Variants in ACVR1 observed in about 807,000 individuals in gnomAD.
ACVR1 encodes activin A receptor type 1.
In ACVR1, 38 loss-of-function variants were observed where a neutral mutation model predicts 57.1. The observed-to-expected ratio is 0.67, with a 90% CI of 0.51 to 0.87. The LOEUF (loss-of-function observed/expected upper bound fraction) is 0.87. Ranked by LOEUF, ACVR1 falls within the 40% of genes least tolerant of loss-of-function variation. ACVR1 has a pLI of 0.00. For synonymous variants in ACVR1, 212 were observed against 228.1 expected, an observed-to-expected ratio of 0.93 and a Z score of 0.63; for missense variants, 463 against 638.2, an observed-to-expected ratio of 0.73 and a Z score of 2.96.
At chr2:157,824,866 G>A (rs749004864) in intron 1 of ACVR1, among the ~76,000 whole-genome samples, 1 of 151,946 alleles carries the variant, frequency 6.6e-6, no homozygotes, top group Non-Finnish European at 1.5e-5. Context: ...TGACTCTCCT[G>A]CCTCAGCCTC....
At chr2:157,795,508 G>C (rs759506981) in intron 3 of ACVR1, among the ~76,000 whole-genome samples, 31 of 151,162 alleles carry the variant, frequency 2.1e-4, no homozygotes, top group Non-Finnish European at 3.2e-4. Context: ...CTAGGCTATA[G>C]CACTCACTGG....
At position 157,741,045 on chromosome 2, in the gene ACVR1, T is replaced by C. The variant is rs532606607; in HGVS notation, c.1265-2475A>G. 1.2e-4 allele frequency among the ~76,000 whole-genome samples: 18 copies of C among 152,308 alleles called. No homozygotes were observed. In the South Asian group the frequency reaches 3.5e-3, roughly 30 times the overall value. ...AGTTGAAAGTGCATTACTGCTATGG[T>C]AGGATGCCGTATTAAATGCTGAGAG... On this transcript the variant is annotated intron_variant, in intron 9 of 10. Coordinates refer to ENST00000434821, the MANE Select transcript of ACVR1 (RefSeq NM_001111067.4).
At chr2:157,786,258 G>C (rs919973807) in intron 3 of ACVR1, among the ~76,000 whole-genome samples, 4 of 152,174 alleles carry the variant, frequency 2.6e-5, no homozygotes, top group African/African-American at 9.7e-5. Flanking sequence ...TAGATTGTAA[G>C]CACCATGAGG....
At chr2:157,791,304 T>C (rs1400520119) in intron 3 of ACVR1, among the ~76,000 whole-genome samples, 1 of 152,234 alleles carries the variant, frequency 6.6e-6, no homozygotes, top group East Asian at 1.9e-4. Context: ...TTATAACTGA[T>C]TCACTTTTCC....
At chr2:157,753,039 C>G (rs1452639139) in intron 9 of ACVR1, among the ~76,000 whole-genome samples, 7 of 152,106 alleles carry the variant, frequency 4.6e-5, no homozygotes, top group Non-Finnish European at 1.0e-4. Flanking sequence ...AAGAATTCAC[C>G]AAGCAACTAT....
chr2:157,774,506 A>C (rs904905538), intron 5 of ACVR1, among the ~76,000 whole-genome samples: 2 of 152,166 alleles, frequency 1.3e-5, no homozygotes, highest in Admixed American at 1.3e-4. Flanking sequence ...CTGGGGTTAC[A>C]GGCACGCGCC....
intron 1 of ACVR1, among the ~76,000 whole-genome samples, chr2:157,824,076 G>C (rs1229687123): frequency 6.6e-6 from 1 of 152,156 alleles, no homozygotes; most frequent in African/African-American, 2.4e-5. Flanking sequence ...AATATTTAAG[G>C]AGCAGCTATA....
In ACVR1 at chr2:157,738,431, C is replaced by A; in HGVS notation, c.1395+9G>T. 6.2e-7 allele frequency: 1 copy of A among 1,614,010 alleles called. No homozygotes were observed. Among genetic ancestry groups the A allele is most frequent in the Non-Finnish European group, 8.5e-7 (1 of 1,179,900 alleles). ...AAGAGCTCTAAAACTGAGAAACTGG[C>A]ATTCTTACCGGGTCTGAGAACCATC... On this transcript the variant is annotated intron_variant, in intron 10 of 10. Coordinates refer to ENST00000434821, the MANE Select transcript of ACVR1 (RefSeq NM_001111067.4).
chr2:157,758,755 CT>C (rs1435363075), intron 9 of ACVR1, among the ~76,000 whole-genome samples: 1 of 151,910 alleles, frequency 6.6e-6, no homozygotes, highest in Non-Finnish European at 1.5e-5. Context: ...ACACATTATT[CT>C]CATCAGCACA....
At chr2:157,774,451 A>G (rs1479146313) in intron 5 of ACVR1, among the ~76,000 whole-genome samples, 1 of 151,966 alleles carries the variant, frequency 6.6e-6, no homozygotes. Context: ...TGCAACCTCC[A>G]CCTCCCGGGT....
In ACVR1 at chr2:157,812,066, C is replaced by A. The variant is rs534512259; in HGVS notation, c.-8+6319G>T. Among the ~76,000 whole-genome samples the A allele has an allele frequency of 3.9e-5, 6 of 152,234 alleles. No homozygotes were observed. In the East Asian group the frequency reaches 1.2e-3, roughly 29 times the overall value. On this transcript the variant is annotated intron_variant, in intron 2 of 10. Coordinates refer to ENST00000434821, the MANE Select transcript of ACVR1 (RefSeq NM_001111067.4). Reference sequence around the variant, plus strand: ...AAACTGAATTTGAATCACAAAGTATCAGAATGAACTCATGAAGTATTTTAT... The same window carrying A: ...AAACTGAATTTGAATCACAAAGTATAAGAATGAACTCATGAAGTATTTTAT...
chr2:157,807,540 T>C (rs111625540), intron 2 of ACVR1, among the ~76,000 whole-genome samples: 1 of 152,012 alleles, frequency 6.6e-6, no homozygotes, highest in Non-Finnish European at 1.5e-5. Context: ...CCCTATCCCT[T>C]GTTTGCAAAC....
At chr2:157,801,217 C>G (rs2105308203) in intron 2 of ACVR1, among the ~76,000 whole-genome samples, 1 of 152,248 alleles carries the variant, frequency 6.6e-6, no homozygotes, top group South Asian at 2.1e-4. Context: ...CAGTCTAGTA[C>G]AGGAGGTATC....
chr2:157,807,341 G>A lies in ACVR1; in HGVS notation c.-7-7841C>T, dbSNP rs60062257. The stretch of plus-strand genomic sequence containing the variant: ...GAATCCAGTGTTTTGATCACTTGCT[G>A]CGTGCCTTACTCGTACCTCAAAACT... On this transcript the variant is annotated intron_variant, in intron 2 of 10. Coordinates refer to ENST00000434821, the MANE Select transcript of ACVR1 (RefSeq NM_001111067.4). Among the ~76,000 whole-genome samples the A allele has an allele frequency of 5.6e-3, 853 of 152,258 alleles. 9 individuals carry two copies. Among genetic ancestry groups the A allele is most frequent in the African/African-American group, 0.019 (803 of 41,540 alleles).
At chr2:157,803,185 G>T (rs1687390566) in intron 2 of ACVR1, among the ~76,000 whole-genome samples, 1 of 150,998 alleles carries the variant, frequency 6.6e-6, no homozygotes, top group South Asian at 2.1e-4. Context: ...GCCAGCAAAA[G>T]CCCACGTCCC....
In ACVR1 at chr2:157,744,311, G is replaced by GA. The variant is rs200230055; in HGVS notation, c.1265-5742dup. 2.7e-4 allele frequency among the ~76,000 whole-genome samples: 41 copies of GA among 152,208 alleles called. 1 individual carries two copies. In the East Asian group the frequency reaches 7.3e-3, roughly 27 times the overall value. ...TAGAAGTAAAGCTATTTTAGAGAGG[G>GA]AAAAAAAGAAAATGGCCCATATTTG... On this transcript the variant is annotated intron_variant, in intron 9 of 10. Coordinates refer to ENST00000434821, the MANE Select transcript of ACVR1 (RefSeq NM_001111067.4).
At position 157,777,587 on chromosome 2, in the gene ACVR1, G is replaced by A. The variant is rs560485140; in HGVS notation, c.543+544C>T. Among the ~76,000 whole-genome samples, 4 of 152,260 alleles carry A rather than the reference G, an allele frequency of 2.6e-5. No homozygotes were observed. The East Asian group carries it at 5.8e-4, about 22-fold the overall frequency. On this transcript the variant is annotated intron_variant, in intron 5 of 10. Transcript: ENST00000434821. Reference sequence around the variant, plus strand: ...TTGAAAATTTTAAATTACATGTGATGCACATGTTTCTATTGGACAACACCG... The same window carrying A: ...TTGAAAATTTTAAATTACATGTGATACACATGTTTCTATTGGACAACACCG...
intron 3 of ACVR1, among the ~76,000 whole-genome samples, chr2:157,795,602 T>C (rs1484746500): frequency 6.6e-6 from 1 of 152,188 alleles, no homozygotes; most frequent in Non-Finnish European, 1.5e-5. Context: ...CTAATGGTGG[T>C]GGTATATTAA....
intron 3 of ACVR1, among the ~76,000 whole-genome samples, chr2:157,782,150 G>A (rs1686547011): frequency 6.6e-6 from 1 of 152,114 alleles, no homozygotes; most frequent in African/African-American, 2.4e-5. Context: ...AAAGAGAAAA[G>A]CATTCTTAAT....
Sources: allele counts gnomAD v4.1 joint callset (sites outside exome capture counted in the v4.1 genomes callset), GRCh38; gene constraint gnomAD v4.1.1; transcripts MANE v1.5; gene names NCBI Gene and HGNC (gene_info 2026-07-23, HGNC 2026-07-21).